NXPE2: variants seen among roughly 807,000 people sequenced by gnomAD.
NXPE2 encodes NXPE family member 2.
NXPE2 carries 34 observed loss-of-function variants against 34.4 expected under a neutral mutation model. The ratio of observed to expected loss-of-function variants is 0.99; its 90% CI spans 0.75 to 1.31. The LOEUF (loss-of-function observed/expected upper bound fraction) is 1.31. NXPE2 is among the 40% of genes most tolerant of loss of function. The probability of loss-of-function intolerance (pLI) is 0.00; values close to 1 mark genes in which losing one functional copy is unlikely to be tolerated. For missense variants in NXPE2, 649 were observed against 672.5 expected (o/e 0.97, Z 0.39); for synonymous variants, 235 against 231.3 (o/e 1.02, Z -0.15).
the NXPE2 span, among the ~76,000 whole-genome samples, chr11:114,533,294 A>G: frequency 2.6e-5 from 4 of 152,338 alleles, no homozygotes; most frequent in Admixed American, 1.3e-4. Flanking sequence ...TAGACAATAC[A>G]TTCGAGCGGG....
At chr11:114,647,251 G>A in the NXPE2 span, among the ~76,000 whole-genome samples, 3 of 152,230 alleles carry the variant, frequency 2.0e-5, no homozygotes, top group East Asian at 1.9e-4. Context: ...AAGATTTTGA[G>A]TTTATGTTCC....
the NXPE2 span, among the ~76,000 whole-genome samples, chr11:114,508,126 T>C: frequency 6.6e-6 from 1 of 151,902 alleles, no homozygotes; most frequent in East Asian, 1.9e-4. Context: ...CCAAAACAGG[T>C]ACAAACTCCT....
At chr11:114,800,675 C>G in the NXPE2 span, among the ~76,000 whole-genome samples, 1 of 152,186 alleles carries the variant, frequency 6.6e-6, no homozygotes, top group African/African-American at 2.4e-5. Flanking sequence ...ACATTGGAAT[C>G]AGAACTCCCA....
At chr11:114,796,873 A>C in the NXPE2 span, among the ~76,000 whole-genome samples, 1 of 152,360 alleles carries the variant, frequency 6.6e-6, no homozygotes, top group Admixed American at 6.5e-5. Context: ...TAGGCAGAGC[A>C]CTGGTGGGAA....
the NXPE2 span, among the ~76,000 whole-genome samples, chr11:114,629,433 C>T: frequency 6.6e-6 from 1 of 151,608 alleles, no homozygotes; most frequent in East Asian, 1.9e-4. Context: ...ATGATTATCT[C>T]AATAGATGCA....
chr11:114,710,758 A>G (rs938787321), downstream of NXPE2, among the ~76,000 whole-genome samples: 5 of 152,162 alleles, frequency 3.3e-5, no homozygotes, highest in Admixed American at 2.6e-4. Flanking sequence ...TGAGGCAAGT[A>G]TTACCCTGAC....
chr11:114,791,361 C>G, the NXPE2 span, among the ~76,000 whole-genome samples: 6 of 152,142 alleles, frequency 3.9e-5, no homozygotes, highest in African/African-American at 7.2e-5. Context: ...TCTGGGGAAG[C>G]TGCCATGAGG....
At chr11:114,697,664 A>G (rs1591439386) in intron 2 of NXPE2, among the ~76,000 whole-genome samples, 1 of 152,334 alleles carries the variant, frequency 6.6e-6, no homozygotes, top group South Asian at 2.1e-4. Context: ...CACATGAAAC[A>G]TGTACCACAT....
At chr11:114,737,884 A>G in the NXPE2 span, among the ~76,000 whole-genome samples, 4 of 152,068 alleles carry the variant, frequency 2.6e-5, no homozygotes, top group Non-Finnish European at 5.9e-5. Flanking sequence ...GGAGTTTGAT[A>G]CCACCCTGGG....
the NXPE2 span, among the ~76,000 whole-genome samples, chr11:114,789,938 C>T: frequency 5.3e-5 from 8 of 152,188 alleles, no homozygotes; most frequent in Admixed American, 5.2e-4. Flanking sequence ...TGCTGCTGTA[C>T]TCAAATGTTT....
the NXPE2 span, among the ~76,000 whole-genome samples, chr11:114,788,616 A>T: frequency 6.6e-6 from 1 of 152,178 alleles, no homozygotes; most frequent in African/African-American, 2.4e-5. Flanking sequence ...TGGTCCCCGG[A>T]AACTGCCATG....
At chr11:114,683,457 TG>T (rs1342933879) in intron 2 of NXPE2, among the ~76,000 whole-genome samples, 1 of 150,040 alleles carries the variant, frequency 6.7e-6, no homozygotes, top group African/African-American at 2.5e-5. Flanking sequence ...AGTCTTGCTC[TG>T]TCACCAGGCT....
chr11:114,465,560 A>T, the NXPE2 span, among the ~76,000 whole-genome samples: 1 of 152,204 alleles, frequency 6.6e-6, no homozygotes, highest in Non-Finnish European at 1.5e-5. Flanking sequence ...GAAGAGGGCT[A>T]TGCAGGAAGT....
the NXPE2 span, among the ~76,000 whole-genome samples, chr11:114,773,687 CATTTGAATCGGGACTGAGTAAAGTAG>C: frequency 1.1e-4 from 1 of 9,130 alleles, no homozygotes; most frequent in Non-Finnish European, 5.9e-3. Context: ...ATAAGATTAG[CATTTGAATCGGGACTGAGTAAAGTAG>C]ATTGCCTTCC....
At chr11:114,522,979 G>A in the NXPE2 span, 1 of 1,613,656 alleles carries the variant, frequency 6.2e-7, no homozygotes, top group East Asian at 2.2e-5. Context: ...TCTTAATTGT[G>A]TCTAACTGAA....
At chr11:114,649,093 T>C in the NXPE2 span, among the ~76,000 whole-genome samples, 174 of 152,226 alleles carry the variant, frequency 1.1e-3, 1 homozygote, top group Non-Finnish European at 1.6e-3. Context: ...TACCATTCCA[T>C]ATTCCTTTCG....
chr11:114,711,500 G>T (rs1029243816), downstream of NXPE2, among the ~76,000 whole-genome samples: 2 of 151,934 alleles, frequency 1.3e-5, no homozygotes, highest in African/African-American at 4.8e-5. Context: ...AGAAAATTAA[G>T]AAAACAATCC....
chr11:114,577,075 T>TTA, the NXPE2 span, among the ~76,000 whole-genome samples: 5 of 113,486 alleles, frequency 4.4e-5, no homozygotes, highest in Non-Finnish European at 8.7e-5. Flanking sequence ...ATATATAAAG[T>TTA]TATATATATA....
the NXPE2 span, among the ~76,000 whole-genome samples, chr11:114,652,451 G>A: frequency 6.6e-6 from 1 of 152,284 alleles, no homozygotes; most frequent in Non-Finnish European, 1.5e-5. Flanking sequence ...GAGATTTTGG[G>A]CAGATGTGTT....
Sources: allele counts gnomAD v4.1 joint callset (sites outside exome capture counted in the v4.1 genomes callset), GRCh38; gene constraint gnomAD v4.1.1; transcripts MANE v1.5; gene names NCBI Gene and HGNC (gene_info 2026-07-23, HGNC 2026-07-21).